NUDT8: variants seen among roughly 807,000 people sequenced by gnomAD.
NUDT8 encodes the protein nudix hydrolase 8.
Under a neutral mutation model 12.5 loss-of-function variants are expected in NUDT8, and 14 were observed. The observed-to-expected ratio is 1.12, with a 90% CI of 0.74 to 1.75. The LOEUF (loss-of-function observed/expected upper bound fraction) is 1.75. NUDT8 is among the 40% of genes most tolerant of loss of function. NUDT8 has a pLI of 0.00. For synonymous variants in NUDT8, 163 were observed against 156.2 expected, an observed-to-expected ratio of 1.04 and a Z score of -0.33; for missense variants, 337 against 318.5, an observed-to-expected ratio of 1.06 and a Z score of -0.44.
intron 1 of NUDT8, 25 bp downstream of exon 1, chr11:67,629,693 G>A: frequency 7.1e-7 from 1 of 1,403,550 alleles, no homozygotes; most frequent in African/African-American, 1.5e-5. Context: ...TCCGGCAAAG[G>A]GCGAGGAGTT....
At position 67,628,164 on chromosome 11, in the gene NUDT8, GGAAGTGGCCACCCCGGCA is replaced by G. The variant is rs745597660; in HGVS notation, c.475_492del (p.Cys159_Phe164del). The G allele has an allele frequency of 1.2e-6, 2 of 1,604,778 alleles. No homozygotes were observed. The highest frequency in any genetic ancestry group is 3.3e-5 in the Admixed American group (2 of 60,020). On this transcript the variant is annotated inframe_deletion, in exon 4 of 4. Transcript: ENST00000376693. ...TGCAGGAAGACGGGTAGTGTGTAGC[GGAAGTGGCCACCCCGGCA>G]GAAGTGGGTATAGCCCTGATTCTGC...
At chr11:67,629,408 G>C (rs953195960) in intron 1 of NUDT8, 8 of 384,938 alleles carry the variant, frequency 2.1e-5, no homozygotes, top group Non-Finnish European at 1.9e-5. Context: ...CGTAGTCGCC[G>C]GCAGGGGGCG....
At chr11:67,629,215 T>C in intron 1 of NUDT8, 164 bp from the exon 2 acceptor site, 1 of 656,572 alleles carries the variant, frequency 1.5e-6, no homozygotes, top group Non-Finnish European at 2.6e-6. Flanking sequence ...GAGGCCAGTT[T>C]ACCTCCCTGA....
intron 1 of NUDT8, chr11:67,629,484 G>A (rs1000701724): frequency 4.9e-6 from 2 of 406,358 alleles, no homozygotes; most frequent in Non-Finnish European, 8.8e-6. Context: ...GCGCAAGGAC[G>A]CGTACGAGGG....
chr11:67,628,499 C>T, intron 2 of NUDT8, 99 bp from the exon 3 acceptor site: 1 of 986,882 alleles, frequency 1.0e-6, no homozygotes, highest in Non-Finnish European at 1.5e-6. Flanking sequence ...CATGCATAGG[C>T]CTTTGGTAGT....
chr11:67,628,412 G>A lies in NUDT8; in HGVS notation c.328-12C>T. 1.2e-6 allele frequency: 2 copies of A among 1,612,124 alleles called. No individual in the cohort carries two copies. The highest frequency in any genetic ancestry group is 8.5e-7 in the Non-Finnish European group (1 of 1,178,918). On this transcript the variant is annotated splice_polypyrimidine_tract_variant and intron_variant, in intron 2 of 3. Coordinates refer to ENST00000376693, the MANE Select transcript of NUDT8 (RefSeq NM_001243750.2). ...ACGGTGGCCTTTTGCTGGGGAAGAG[G>A]GCAGGTGGTCAGGGAAGCATGGCCT...
chr11:67,629,401 A>C, intron 1 of NUDT8: 1 of 384,912 alleles, frequency 2.6e-6, no homozygotes, highest in Non-Finnish European at 4.7e-6. Flanking sequence ...ACCTCTCCGT[A>C]GTCGCCGGCA....
chr11:67,629,902 C>A lies in NUDT8; in HGVS notation c.10G>T (p.Asp4Tyr). Residue 4 changes from aspartate to tyrosine, a missense_variant, in exon 1 of 4, where the codon GAC becomes TAC. Physicochemically the swap from Asp to Tyr is radical, Grantham distance 160. Transcript: ENST00000376693. ...AGCTCGCCCTCGGCCGACAGGCAGT[C>A]GGGCAGCATGTCAAGTCCTGCGCGG... MLPDCLSAEGELRC... is the reference protein window; with the variant it reads MLPYCLSAEGELRC... 1 of 1,236,382 alleles carries A rather than the reference C, an allele frequency of 8.1e-7. No homozygotes were observed. Among genetic ancestry groups the A allele is most frequent in the South Asian group, 3.8e-5 (1 of 26,404 alleles). 76.6% of individuals were successfully genotyped at this position (1,236,382 alleles called of 1,614,324 possible). A position where few individuals can be genotyped will look rare whatever the true frequency, so the allele number is the denominator to read the frequency against.
intron 1 of NUDT8, chr11:67,629,468 G>A (rs901390695): frequency 2.5e-6 from 1 of 407,334 alleles, no homozygotes. Flanking sequence ...CCCGGCCCAG[G>A]CGTGCGCGCA....
Position 67,628,222 on chromosome 11 carries a change from G to A in NUDT8, c.435C>T (p.Ala145=). The change falls in exon 4 of 4, where the codon GCC becomes GCT. Residue 145 remains alanine, a synonymous_variant. Transcript: ENST00000376693. ...CCTGATTCTGCGTCTGCAGCAGGTG[G>A]GCCAGCGGCAGTGCAAACACCTCAT... The part of the protein sequence containing the change: ...EVDEVFALPL[A]HLLQTQNQGY... 8 of 1,612,706 alleles carry A rather than the reference G, an allele frequency of 5.0e-6. No homozygotes were observed. The African/African-American group carries it at 6.7e-5, about 13-fold the overall frequency.
intron 1 of NUDT8, 53 bp downstream of exon 1, chr11:67,629,664 GC>G: frequency 2.6e-6 from 3 of 1,143,470 alleles, no homozygotes; most frequent in African/African-American, 1.6e-5. Flanking sequence ...GTCCCTGCCA[GC>G]CCCGGGCTCC....
rs763342665 is a variant in NUDT8, at chr11:67,629,724, T to A, written c.188A>T (p.Asp63Val). 1.1e-5 allele frequency: 17 copies of A among 1,525,924 alleles called. No individual in the cohort carries two copies. Among genetic ancestry groups the A allele is most frequent in the Non-Finnish European group, 1.5e-5 (17 of 1,139,884 alleles). 94.5% of individuals were successfully genotyped at this position (1,525,924 alleles called of 1,614,324 possible). Residue 63 changes from aspartate to valine, a missense_variant, in exon 1 of 4, where the codon GAC becomes GTC. Physicochemically the swap from Asp to Val is radical, Grantham distance 152. Coordinates refer to ENST00000376693, the MANE Select transcript of NUDT8 (RefSeq NM_001243750.2). ...GAGTTCCCGGCCGCTGTACCTGACGTCGCCCTTGTGCCTCCCGGTCAGGCG... is the reference window on the plus strand; with the variant it reads ...GAGTTCCCGGCCGCTGTACCTGACGACGCCCTTGTGCCTCCCGGTCAGGCG... Reference protein sequence around the residue: ...SSRLTGRHKGDVSFPGGKCDP... With the variant: ...SSRLTGRHKGVVSFPGGKCDP...
chr11:67,628,055 C>G lies in NUDT8; in HGVS notation c.602G>C (p.Arg201Pro), dbSNP rs367990156. ...QLLAPGTYQP[R>P]LAGLTCSGAE... is the part of the protein sequence containing the mutation. ...CCCTGAGCAGGTCAGGCCGGCCAGGCGGGGCTGGTAGGTACCAGGTGCCAG... is the reference window on the plus strand; with the variant it reads ...CCCTGAGCAGGTCAGGCCGGCCAGGGGGGGCTGGTAGGTACCAGGTGCCAG... The change falls in exon 4 of 4, where the codon CGC (arginine) becomes CCC (proline). Residue 201 changes from arginine to proline, a missense_variant. Coordinates refer to ENST00000376693, the MANE Select transcript of NUDT8 (RefSeq NM_001243750.2). The G allele has an allele frequency of 3.1e-6, 5 of 1,598,368 alleles. No homozygotes were observed. The highest frequency in any genetic ancestry group is 4.2e-6 in the Non-Finnish European group (5 of 1,179,772).
Position 67,628,087 on chromosome 11 carries a change from C to T in NUDT8, c.570G>A (p.Leu190=), listed in dbSNP as rs774488056. 7 of 1,598,342 alleles carry T rather than the reference C, an allele frequency of 4.4e-6. No individual in the cohort carries two copies. The African/African-American group carries it at 5.3e-5, about 12-fold the overall frequency. ...GGTAGGTACCAGGTGCCAGCAGCTG[C>T]AGGGCAAACTCAGTGATGACAGCTG... ...GLTAVITEFA[L]QLLAPGTYQP... Residue 190 remains leucine, a synonymous_variant, in exon 4 of 4, where the codon CTG becomes CTA. Transcript: ENST00000376693.
Position 67,629,015 on chromosome 11 carries a change from A to G in NUDT8, c.231T>C (p.Asp77=), listed in dbSNP as rs1351395569. 3 of 1,612,888 alleles carry G rather than the reference A, an allele frequency of 1.9e-6. No individual in the cohort carries two copies. Among genetic ancestry groups the G allele is most frequent in the Non-Finnish European group, 2.5e-6 (3 of 1,179,752 alleles). Residue 77 remains aspartate, a synonymous_variant, in exon 2 of 4, where the codon GAT becomes GAC. Transcript: ENST00000376693. ...TTTCCCGCAGGGCCGTGTGCACCAC[A>G]TCTTGGTCAGCCGGGTCGCACTTGC... ...PGGKCDPADQ[D]VVHTALRETR... is the part of the protein sequence containing the mutation.
chr11:67,629,642 G>T, intron 1 of NUDT8, 76 bp downstream of exon 1: 1 of 823,952 alleles, frequency 1.2e-6, no homozygotes, highest in Non-Finnish European at 1.7e-6. Flanking sequence ...GGGGCTAAGT[G>T]CCCTGCCAGA....
chr11:67,629,764 T>C lies in NUDT8; in HGVS notation c.148A>G (p.Thr50Ala). 6.5e-7 allele frequency: 1 copy of C among 1,541,688 alleles called. No homozygotes were observed. ...SVRGVPALLY[T>A]LRSSRLTGRH... ...CCGGTCAGGCGGCTGGACCGCAGCG[T>C]GTACAGCAGCGCCGGGACCCCACGC... is the stretch of plus-strand genomic sequence containing the variant. The change falls in exon 1 of 4, where the codon ACG becomes GCG. Residue 50 changes from threonine to alanine, a missense_variant. Thr to Ala is a moderately conservative substitution (Grantham distance 58). Transcript: ENST00000376693.
rs368421441 is a variant in NUDT8, at chr11:67,629,821, A to C, written c.91T>G (p.Ser31Ala). The change falls in exon 1 of 4, where the codon TCG (serine) becomes GCG (alanine). Residue 31 changes from serine to alanine, a missense_variant. Physicochemically the swap from Ser to Ala is moderately conservative, Grantham distance 99 (BLOSUM62 1). Coordinates refer to ENST00000376693, the MANE Select transcript of NUDT8 (RefSeq NM_001243750.2). The stretch of plus-strand genomic sequence containing the variant: ...CAGAGCGGCACGAGCACCGCGGCCG[A>C]CGCGGGCCGCGCGCGGAGCCGGGCC... ...ATARLRARPA[S>A]AAVLVPLCSV... 5.3e-4 allele frequency: 741 copies of C among 1,398,944 alleles called. 5 individuals are homozygous for C. In the African/African-American group the frequency reaches 0.01, roughly 19 times the overall value. The allele number at this position is 1,398,944 out of a possible 1,614,324, so 86.7% of individuals were successfully genotyped here. A position where few individuals can be genotyped will look rare whatever the true frequency, so the allele number is the denominator to read the frequency against.
At chr11:67,629,402 G>A (rs1428580541) in intron 1 of NUDT8, 1 of 388,000 alleles carries the variant, frequency 2.6e-6, no homozygotes, top group Non-Finnish European at 4.6e-6. Context: ...CCTCTCCGTA[G>A]TCGCCGGCAG....
Sources: gnomAD v4.1 joint callset for allele counts on GRCh38, gnomAD v4.1.1 for gene constraint, MANE v1.5 for transcripts, NCBI Gene and HGNC (gene_info 2026-07-23, HGNC 2026-07-21) for gene names.